The following NAMPT variants were observed in gnomAD, a reference collection of about 807,000 sequenced individuals.
NAMPT encodes NAmPRTase.
Under a neutral mutation model 58.7 loss-of-function variants are expected in NAMPT, and 7 were observed. The ratio of observed to expected loss-of-function variants is 0.12; its 90% CI spans 0.07 to 0.22. NAMPT has a LOEUF of 0.22. Ranked by LOEUF, NAMPT falls within the 10% of genes least tolerant of loss-of-function variation. The pLI, the probability that NAMPT is intolerant of heterozygous loss-of-function variation, is 1.00. For missense variants in NAMPT, 271 were observed against 567.9 expected, an observed-to-expected ratio of 0.48 and a Z score of 5.31; for synonymous variants, 145 against 198.1, an observed-to-expected ratio of 0.73 and a Z score of 2.25.
At chr7:106,261,424 T>G in intron 8 of NAMPT, 164 bp downstream of exon 8, 1 of 561,592 alleles carries the variant, frequency 1.8e-6, no homozygotes, top group Non-Finnish European at 3.0e-6. Flanking sequence ...CCTCTGTATT[T>G]TAAACTACTA....
chr7:106,264,737 G>A (rs1235919783), intron 6 of NAMPT, among the ~76,000 whole-genome samples: 7 of 151,900 alleles, frequency 4.6e-5, no homozygotes, highest in African/African-American at 7.2e-5. Flanking sequence ...TTTCTAGTCC[G>A]CCTCTAATCT....
intron 6 of NAMPT, among the ~76,000 whole-genome samples, chr7:106,267,692 T>C (rs1232497222): frequency 6.7e-6 from 1 of 149,880 alleles, no homozygotes; most frequent in Non-Finnish European, 1.5e-5. Flanking sequence ...ATACAAAAAA[T>C]TAGCCGGGCG....
Position 106,284,819 on chromosome 7 carries a change from G to C in NAMPT, c.57+9C>G, listed in dbSNP as rs567189793. On this transcript the variant is annotated intron_variant, in intron 1 of 10. Coordinates refer to ENST00000222553, the MANE Select transcript of NAMPT (RefSeq NM_005746.3). ...GCTCCTCCTCATCTGCCCGGGCCCC[G>C]AGCTTTACCTTGTAGGAGTCGGTGG... 6 of 1,331,956 alleles carry C rather than the reference G, an allele frequency of 4.5e-6. No individual in the cohort carries two copies. In the African/African-American group the frequency reaches 6.2e-5, roughly 14 times the overall value. 82.5% of individuals were successfully genotyped at this position (1,331,956 alleles called of 1,614,324 possible).
chr7:106,269,424 T>C (rs1562816428), intron 4 of NAMPT, 112 bp from the exon 5 acceptor site: 2 of 955,520 alleles, frequency 2.1e-6, no homozygotes, highest in Non-Finnish European at 3.1e-6. Context: ...TTCCATACTA[T>C]TAACTAGACA....
At chr7:106,265,265 A>G (rs1792388377) in intron 6 of NAMPT, among the ~76,000 whole-genome samples, 1 of 152,186 alleles carries the variant, frequency 6.6e-6, no homozygotes, top group Non-Finnish European at 1.5e-5. Flanking sequence ...GTCACTACTT[A>G]TAACGTTGTA....
At chr7:106,266,745 T>A (rs1792419965) in intron 6 of NAMPT, among the ~76,000 whole-genome samples, 1 of 152,220 alleles carries the variant, frequency 6.6e-6, no homozygotes, top group African/African-American at 2.4e-5. Flanking sequence ...TTTTCCTTTT[T>A]TCAATCCATA....
At chr7:106,278,209 G>A (rs1792689121) in intron 1 of NAMPT, among the ~76,000 whole-genome samples, 1 of 151,524 alleles carries the variant, frequency 6.6e-6, no homozygotes. Flanking sequence ...GTAAAACTTG[G>A]CTCTATCCTC....
chr7:106,270,510 A>C (rs1284728860), intron 4 of NAMPT, among the ~76,000 whole-genome samples: 1 of 152,196 alleles, frequency 6.6e-6, no homozygotes, highest in African/African-American at 2.4e-5. Flanking sequence ...TGGCCTTTGC[A>C]GCTCTTCTCA....
chr7:106,263,180 T>C (rs778114054), intron 7 of NAMPT: 23 of 526,714 alleles, frequency 4.4e-5, no homozygotes, highest in African/African-American at 9.5e-5. Context: ...AAATGTCTAA[T>C]TGACAGTAAA....
Position 106,249,816 on chromosome 7 carries a change from A to T in NAMPT, c.*1267T>A, listed in dbSNP as rs1396237629. On this transcript the variant is annotated 3_prime_UTR_variant, in exon 11 of 11. Coordinates refer to ENST00000222553, the MANE Select transcript of NAMPT (RefSeq NM_005746.3). Reference sequence around the variant, plus strand: ...ACAGATCTACATACATAAAAGAATCATTCGAAAGAAACTGGTCTCTAGTCA... The same window carrying T: ...ACAGATCTACATACATAAAAGAATCTTTCGAAAGAAACTGGTCTCTAGTCA... 2.0e-5 allele frequency: 3 copies of T among 152,050 alleles called. No homozygotes were observed. The highest frequency in any genetic ancestry group is 2.9e-5 in the Non-Finnish European group (2 of 67,956). The allele number at this position is 152,050 out of a possible 1,614,324, so 9.4% of individuals were successfully genotyped here.
chr7:106,259,896 T>TTTC (rs1554351404), intron 8 of NAMPT, among the ~76,000 whole-genome samples: 1 of 150,876 alleles, frequency 6.6e-6, no homozygotes, highest in Non-Finnish European at 1.5e-5. Context: ...TTTTTTTTTT[T>TTTC]CCTGAGCAGT....
chr7:106,255,715 CAT>C (rs1379345653), intron 8 of NAMPT, among the ~76,000 whole-genome samples: 1 of 152,168 alleles, frequency 6.6e-6, no homozygotes, highest in Non-Finnish European at 1.5e-5. Flanking sequence ...AATCCAGTCT[CAT>C]GTCTTTATTG....
chr7:106,263,728 GAAGGT>G, intron 6 of NAMPT, 111 bp from the exon 7 acceptor site: 1 of 809,298 alleles, frequency 1.2e-6, no homozygotes, highest in South Asian at 1.6e-5. Flanking sequence ...ACATCACAGA[GAAGGT>G]GAGTGACTTA....
chr7:106,276,845 A>G, intron 2 of NAMPT, 178 bp downstream of exon 2: 2 of 494,194 alleles, frequency 4.0e-6, no homozygotes, highest in Non-Finnish European at 7.0e-6. Context: ...TCGGTTTCCA[A>G]AAAAAAAAAA....
At position 106,275,042 on chromosome 7, in the gene NAMPT, T is replaced by C. The variant is rs1252030607; in HGVS notation, c.222A>G (p.Val74=). ...CTTCCTGGATTTTCTCTTTGGTTAC[T>C]ACTTTACCTAGAAGAATATACATGT... ...YILNKYLKGK[V]VTKEKIQEAK... is the part of the protein sequence containing the mutation. The change falls in exon 3 of 11, where the codon GTA becomes GTG. Residue 74 remains valine, a synonymous_variant. Coordinates refer to ENST00000222553, the MANE Select transcript of NAMPT (RefSeq NM_005746.3). 1 of 1,592,720 alleles carries C rather than the reference T, an allele frequency of 6.3e-7. No homozygotes were observed. Among genetic ancestry groups the C allele is most frequent in the African/African-American group, 1.3e-5 (1 of 74,358 alleles).
chr7:106,277,299 AGTTTC>A (rs1327404356), intron 1 of NAMPT, 120 bp from the exon 2 acceptor site: 5 of 834,844 alleles, frequency 6.0e-6, no homozygotes, highest in African/African-American at 5.2e-5. Context: ...GCTATTAACC[AGTTTC>A]TTTTCCTGGC....
In NAMPT at chr7:106,260,371, A is replaced by G. The variant is rs1330147331; in HGVS notation, c.1089+1217T>C. Among the ~76,000 whole-genome samples the G allele has an allele frequency of 2.0e-5, 3 of 152,226 alleles. 1 individual carries two copies. The highest frequency in any genetic ancestry group is 2.0e-4 in the Admixed American group (3 of 15,284). ...CTTCCAATTTTTCTTCTGCAGCTTC[A>G]TCACCTCTCTTAGGCTTCACAGAAT... On this transcript the variant is annotated intron_variant, in intron 8 of 10. Transcript: ENST00000222553.
rs1262187438 is a variant in NAMPT, at chr7:106,249,068, CA to C, written c.*2014del. On this transcript the variant is annotated 3_prime_UTR_variant, in exon 11 of 11. Coordinates refer to ENST00000222553, the MANE Select transcript of NAMPT (RefSeq NM_005746.3). ...TAAACACAAAATTATGGGTGATTAT[CA>C]AAACTATTATTGGTAATAGTTTCTT... 1.3e-5 allele frequency: 2 copies of C among 152,038 alleles called. No homozygotes were observed. The highest frequency in any genetic ancestry group is 4.8e-5 in the African/African-American group (2 of 41,348). The allele number at this position is 152,038 out of a possible 1,614,324, so 9.4% of individuals were successfully genotyped here. A position where few individuals can be genotyped will look rare whatever the true frequency, so the allele number is the denominator to read the frequency against.
intron 6 of NAMPT, among the ~76,000 whole-genome samples, chr7:106,267,355 G>C (rs1792433192): frequency 1.3e-5 from 2 of 152,166 alleles, no homozygotes; most frequent in Admixed American, 1.3e-4. Flanking sequence ...CCAGTAGACT[G>C]CCTTGCATAT....
Sources: allele counts gnomAD v4.1 joint callset (sites outside exome capture counted in the v4.1 genomes callset), GRCh38; gene constraint gnomAD v4.1.1; transcripts MANE v1.5; gene names NCBI Gene and HGNC (gene_info 2026-07-23, HGNC 2026-07-21).